The following ARFGEF1 variants were observed in gnomAD, a reference collection of about 807,000 sequenced individuals.
ARFGEF1 encodes the protein ARF guanine nucleotide exchange factor 1.
A neutral mutation model predicts 231.0 loss-of-function variants in ARFGEF1; 42 were observed. The observed-to-expected ratio is 0.18, with a 90% CI of 0.14 to 0.24. ARFGEF1 has a LOEUF of 0.24. ARFGEF1 is among the 10% of genes least tolerant of loss of function. The pLI, the probability that ARFGEF1 is intolerant of heterozygous loss-of-function variation, is 1.00. For synonymous variants in ARFGEF1, 710 were observed against 732.3 expected (o/e 0.97, Z 0.49); for missense variants, 1,345 against 2,192.0 (o/e 0.61, Z 7.72).
intron 21 of ARFGEF1, 69 bp from the exon 22 acceptor site, chr8:67,238,562 T>C (rs1231319451): frequency 3.4e-6 from 5 of 1,489,392 alleles, no homozygotes; most frequent in African/African-American, 1.4e-5. Context: ...TTTAAATATA[T>C]GCAGCCAGGA....
At chr8:67,247,819 G>A (rs1195039314) in intron 19 of ARFGEF1, among the ~76,000 whole-genome samples, 2 of 150,332 alleles carry the variant, frequency 1.3e-5, no homozygotes, top group Admixed American at 6.7e-5. Flanking sequence ...AAGCCTGAAC[G>A]CTCTACCAAA....
In ARFGEF1 at chr8:67,276,671, C is replaced by T. The variant is rs539807194; in HGVS notation, c.1204-562G>A. Among the ~76,000 whole-genome samples, 7 of 152,238 alleles carry T rather than the reference C, an allele frequency of 4.6e-5. No homozygotes were observed. The South Asian group carries it at 1.2e-3, about 27-fold the overall frequency. Reference sequence around the variant, plus strand: ...CATTACCATGGTACTGATTTCTTTGCAGCCCTGAACAAAGGTTAAGGTGAA... The same window carrying T: ...CATTACCATGGTACTGATTTCTTTGTAGCCCTGAACAAAGGTTAAGGTGAA... On this transcript the variant is annotated intron_variant, in intron 8 of 38. Coordinates refer to ENST00000262215, the MANE Select transcript of ARFGEF1 (RefSeq NM_006421.5).
At chr8:67,205,852 C>T (rs959147193) in intron 34 of ARFGEF1, among the ~76,000 whole-genome samples, 14 of 146,162 alleles carry the variant, frequency 9.6e-5, no homozygotes, top group Admixed American at 2.7e-4. Flanking sequence ...AGAGAGACTC[C>T]GTCTCAAAAA....
intron 1 of ARFGEF1, among the ~76,000 whole-genome samples, chr8:67,308,687 C>A (rs1485916766): frequency 6.6e-6 from 1 of 152,102 alleles, no homozygotes; most frequent in African/African-American, 2.4e-5. Flanking sequence ...TTTTATAAGG[C>A]ACTTATTTAT....
rs904171200 is a variant in ARFGEF1, at chr8:67,212,703, G to A, written c.4687-1088C>T. 4.0e-5 allele frequency among the ~76,000 whole-genome samples: 6 copies of A among 151,600 alleles called. No individual in the cohort carries two copies. The East Asian group carries it at 1.2e-3, about 29-fold the overall frequency. On this transcript the variant is annotated intron_variant, in intron 33 of 38. Coordinates refer to ENST00000262215, the MANE Select transcript of ARFGEF1 (RefSeq NM_006421.5). ...CTTACCTGCTGTGTGAAAGGAAGATGGGCCTGTGTTACCAGAAATAGTAAT... is the reference window on the plus strand; with the variant it reads ...CTTACCTGCTGTGTGAAAGGAAGATAGGCCTGTGTTACCAGAAATAGTAAT...
intron 7 of ARFGEF1, among the ~76,000 whole-genome samples, chr8:67,287,319 C>G (rs1805802505): frequency 6.6e-6 from 1 of 151,888 alleles, no homozygotes; most frequent in African/African-American, 2.4e-5. Context: ...AATGAGCTTC[C>G]CTGGTAAACA....
At chr8:67,319,150 C>T (rs944630818) in intron 1 of ARFGEF1, among the ~76,000 whole-genome samples, 5 of 151,914 alleles carry the variant, frequency 3.3e-5, no homozygotes, top group African/African-American at 1.2e-4. Context: ...TAAAGATTTC[C>T]CCAAAATTAT....
intron 19 of ARFGEF1, among the ~76,000 whole-genome samples, chr8:67,247,989 A>C (rs893880333): frequency 1.3e-5 from 2 of 150,372 alleles, no homozygotes; most frequent in Non-Finnish European, 3.0e-5. Context: ...ACTACAGAAC[A>C]GTGATGAAAG....
rs76340086 is a variant in ARFGEF1 at position 67,232,787 on chromosome 8, A to G, written c.3380+68T>C. The stretch of plus-strand genomic sequence containing the variant: ...TTTTGGCAATAATATTTTTCTTTTT[A>G]CCAACACCTAAATGCTAAAGAACTG... On this transcript the variant is annotated intron_variant, in intron 23 of 38. Coordinates refer to ENST00000262215, the MANE Select transcript of ARFGEF1 (RefSeq NM_006421.5). The G allele has an allele frequency of 4.2e-3, 5,188 of 1,239,702 alleles. 316 individuals carry two copies. The East Asian group carries it at 0.12, about 28-fold the overall frequency. The allele number at this position is 1,239,702 out of a possible 1,614,324, so 76.8% of individuals were successfully genotyped here. A position where few individuals can be genotyped will look rare whatever the true frequency, so the allele number is the denominator to read the frequency against.
intron 22 of ARFGEF1, among the ~76,000 whole-genome samples, chr8:67,237,369 C>A (rs1432352528): frequency 2.0e-5 from 3 of 152,218 alleles, no homozygotes; most frequent in Non-Finnish European, 2.9e-5. Context: ...TTGATTACCA[C>A]TGGGAATTAG....
At chr8:67,232,082 G>C (rs552842050) in intron 23 of ARFGEF1, among the ~76,000 whole-genome samples, 3 of 152,110 alleles carry the variant, frequency 2.0e-5, no homozygotes, top group Non-Finnish European at 2.9e-5. Context: ...CCTGTACTTA[G>C]AGCAAAAAGT....
At position 67,288,066 on chromosome 8, in the gene ARFGEF1, C is replaced by T; in HGVS notation, c.917-1G>A. ...TATAACACTTCATTTTTAGATAATG[C>T]TTTAAAAGAAGAAAAATTCAACAGA... On this transcript the variant is annotated splice_acceptor_variant, in intron 6 of 38. Coordinates refer to ENST00000262215, the MANE Select transcript of ARFGEF1 (RefSeq NM_006421.5). LOFTEE classifies it high-confidence loss of function. The T allele has an allele frequency of 2.6e-6, 4 of 1,565,428 alleles. No individual in the cohort carries two copies. The highest frequency in any genetic ancestry group is 3.5e-6 in the Non-Finnish European group (4 of 1,158,354).
At chr8:67,307,399 T>TCA (rs1254029981) in intron 1 of ARFGEF1, among the ~76,000 whole-genome samples, 5 of 152,212 alleles carry the variant, frequency 3.3e-5, no homozygotes, top group African/African-American at 4.8e-5. Flanking sequence ...TCAAACTGTG[T>TCA]GTGTGCAAGC....
intron 23 of ARFGEF1, among the ~76,000 whole-genome samples, chr8:67,230,802 T>A (rs896105911): frequency 3.9e-5 from 6 of 152,132 alleles, no homozygotes; most frequent in Admixed American, 2.6e-4. Flanking sequence ...TAAAAAATTC[T>A]ATCCTAGCAA....
At chr8:67,222,579 T>C (rs1402095676) in intron 29 of ARFGEF1, among the ~76,000 whole-genome samples, 1 of 152,148 alleles carries the variant, frequency 6.6e-6, no homozygotes, top group African/African-American at 2.4e-5. Context: ...GCCTCCTAAG[T>C]AGCTGCGATT....
At chr8:67,248,458 TC>T (rs148226019) in intron 19 of ARFGEF1, among the ~76,000 whole-genome samples, 6,566 of 150,222 alleles carry the variant, frequency 0.044, 901 homozygotes, top group African/African-American at 0.15. Context: ...GAAACTAGAC[TC>T]CTTTATCTTG....
At chr8:67,268,760 T>C (rs989754490) in intron 10 of ARFGEF1, among the ~76,000 whole-genome samples, 1 of 152,358 alleles carries the variant, frequency 6.6e-6, no homozygotes, top group South Asian at 2.1e-4. Context: ...TTTTACTTTA[T>C]GCATACTATT....
At chr8:67,304,627 G>C (rs996739126) in intron 1 of ARFGEF1, among the ~76,000 whole-genome samples, 1 of 152,198 alleles carries the variant, frequency 6.6e-6, no homozygotes, top group Non-Finnish European at 1.5e-5. Context: ...AGGAATTTGA[G>C]ACCAGCCTGG....
At chr8:67,334,644 A>T (rs1808261227) in intron 1 of ARFGEF1, among the ~76,000 whole-genome samples, 1 of 152,224 alleles carries the variant, frequency 6.6e-6, no homozygotes, top group African/African-American at 2.4e-5. Flanking sequence ...TGGCAGTATT[A>T]TTCATTCAAC....
Sources: gnomAD v4.1 joint callset for allele counts (sites outside exome capture counted in the v4.1 genomes callset) on GRCh38, gnomAD v4.1.1 for gene constraint, MANE v1.5 for transcripts, NCBI Gene and HGNC (gene_info 2026-07-23, HGNC 2026-07-21) for gene names.